XIRP2: variants seen among roughly 807,000 people sequenced by gnomAD.
XIRP2 encodes the protein xin actin binding repeat containing 2, also known as xin actin-binding repeat-containing protein 2.
Under a neutral mutation model 277.0 loss-of-function variants are expected in XIRP2, and 236 were observed. That is an observed-to-expected ratio of 0.85 (90% CI 0.77 to 0.95). The LOEUF is 0.95. Ranked by LOEUF, XIRP2 falls within the 40% of genes least tolerant of loss-of-function variation. The pLI, the probability that XIRP2 is intolerant of heterozygous loss-of-function variation, is 0.00. For missense variants in XIRP2, 4,640 were observed against 4,157.5 expected (o/e 1.12, Z -3.19); for synonymous variants, 1,490 against 1,416.5 (o/e 1.05, Z -1.17).
chr2:167,170,419 G>A (rs1448762383), intron 3 of XIRP2, among the ~76,000 whole-genome samples: 1 of 152,112 alleles, frequency 6.6e-6, no homozygotes, highest in African/African-American at 2.4e-5. Context: ...ATTTACCAAT[G>A]AAGTCATATA....
chr2:167,048,734 A>G (rs1180153316), intron 2 of XIRP2, among the ~76,000 whole-genome samples: 1 of 151,892 alleles, frequency 6.6e-6, no homozygotes, highest in Non-Finnish European at 1.5e-5. Flanking sequence ...TCTCCTCAGC[A>G]CTGTAAGACC....
intron 2 of XIRP2, among the ~76,000 whole-genome samples, chr2:166,958,975 G>A (rs1174381114): frequency 1.3e-5 from 2 of 151,694 alleles, no homozygotes; most frequent in Admixed American, 6.6e-5. Flanking sequence ...AGACTCCTCT[G>A]CCTTTTCCAG....
intron 3 of XIRP2, chr2:167,140,829 T>G (rs1292605665): frequency 1.3e-5 from 2 of 152,216 alleles, no homozygotes; most frequent in Non-Finnish European, 2.9e-5. Flanking sequence ...TTTCTTACAG[T>G]CAGATCCACC....
chr2:166,908,033 G>C (rs1246733262), intron 2 of XIRP2, among the ~76,000 whole-genome samples: 2 of 151,854 alleles, frequency 1.3e-5, no homozygotes, highest in Non-Finnish European at 2.9e-5. Context: ...ATTTGCATTG[G>C]TTCCAAGTCT....
chr2:167,182,112 G>C (rs1282813608), intron 3 of XIRP2, among the ~76,000 whole-genome samples: 1 of 152,112 alleles, frequency 6.6e-6, no homozygotes, highest in Non-Finnish European at 1.5e-5. Flanking sequence ...ACTTGGACAA[G>C]TGTAAATTAT....
chr2:167,007,695 TCTCTCTCTCACACA>T (rs898276747), intron 2 of XIRP2, among the ~76,000 whole-genome samples: 7 of 118,638 alleles, frequency 5.9e-5, no homozygotes, highest in African/African-American at 2.2e-4. Flanking sequence ...TCTCTCTCTC[TCTCTCTCTCACACA>T]CACACACACA....
At chr2:166,979,526 G>GAGATACTA (rs1686812901) in intron 2 of XIRP2, among the ~76,000 whole-genome samples, 1 of 150,780 alleles carries the variant, frequency 6.6e-6, no homozygotes, top group Non-Finnish European at 1.5e-5. Flanking sequence ...TTTTTTTTTA[G>GAGATACTA]AGATACTATT....
At chr2:166,995,557 G>A (rs1687198890) in intron 2 of XIRP2, among the ~76,000 whole-genome samples, 1 of 152,110 alleles carries the variant, frequency 6.6e-6, no homozygotes, top group Non-Finnish European at 1.5e-5. Flanking sequence ...TTGCAATTGA[G>A]TTTAAAGAGA....
chr2:167,044,687 T>C (rs1688744800), intron 2 of XIRP2, among the ~76,000 whole-genome samples: 1 of 151,754 alleles, frequency 6.6e-6, no homozygotes, highest in Non-Finnish European at 1.5e-5. Flanking sequence ...ACAAAAAGAA[T>C]AGAATATAGC....
At chr2:166,927,274 G>A (rs1685213283) in intron 2 of XIRP2, among the ~76,000 whole-genome samples, 1 of 152,048 alleles carries the variant, frequency 6.6e-6, no homozygotes, top group African/African-American at 2.4e-5. Context: ...CTTAAATGAT[G>A]GTAATTGTTT....
chr2:167,165,368 A>T (rs1692493376), intron 3 of XIRP2, among the ~76,000 whole-genome samples: 1 of 152,212 alleles, frequency 6.6e-6, no homozygotes, highest in Non-Finnish European at 1.5e-5. Context: ...TACCAGGATC[A>T]TGATTGCTCA....
chr2:166,901,873 T>TAAAATACCCA (rs1368348701), intron 1 of XIRP2, among the ~76,000 whole-genome samples: 1 of 152,070 alleles, frequency 6.6e-6, no homozygotes, highest in Non-Finnish European at 1.5e-5. Context: ...CTTTGTGTCT[T>TAAAATACCCA]AAAATACCCA....
chr2:167,033,157 G>A (rs148567117), intron 2 of XIRP2, among the ~76,000 whole-genome samples: 2 of 152,224 alleles, frequency 1.3e-5, no homozygotes, highest in East Asian at 1.9e-4. Flanking sequence ...GGATGAAGCT[G>A]GAAAGCATCA....
intron 2 of XIRP2, among the ~76,000 whole-genome samples, chr2:167,007,917 T>C (rs929705795): frequency 1.3e-5 from 2 of 151,656 alleles, no homozygotes; most frequent in Admixed American, 1.3e-4. Context: ...ATTTGGATTT[T>C]ATAATATTTG....
chr2:167,184,906 A>G (rs1693113977), intron 3 of XIRP2, among the ~76,000 whole-genome samples: 1 of 152,104 alleles, frequency 6.6e-6, no homozygotes, highest in Non-Finnish European at 1.5e-5. Flanking sequence ...TTCAATTTGA[A>G]TGTACTAAGT....
intron 3 of XIRP2, among the ~76,000 whole-genome samples, chr2:167,158,836 A>T (rs992137515): frequency 2.0e-5 from 3 of 152,196 alleles, no homozygotes; most frequent in Admixed American, 1.3e-4. Flanking sequence ...TTATTTGAAC[A>T]GGGAAAGTAT....
At chr2:167,219,504 T>C (rs973047341) in intron 5 of XIRP2, among the ~76,000 whole-genome samples, 2 of 152,206 alleles carry the variant, frequency 1.3e-5, no homozygotes, top group East Asian at 1.9e-4. Context: ...CTATGGACTA[T>C]GGGGCTTGTG....
At position 167,244,693 on chromosome 2, in the gene XIRP2, C is replaced by T; in HGVS notation, c.3301C>T (p.Gln1101Ter). The T allele has an allele frequency of 6.2e-7, 1 of 1,613,376 alleles. No individual in the cohort carries two copies. The highest frequency in any genetic ancestry group is 1.1e-5 in the South Asian group (1 of 90,990). Residue 1101 changes from glutamine to a stop codon, truncating the protein, a stop_gained, in exon 9 of 11, where the codon CAG becomes TAG. Transcript: ENST00000409195. LOFTEE classifies it high-confidence loss of function. Reference protein sequence around the residue: ...VKTCKWLFETQPMESLYEKVS... With the variant: ...VKTCKWLFET ...AACCTGTAAATGGCTTTTTGAGACC[C>T]AGCCAATGGAGTCTCTTTATGAAAA... is the stretch of plus-strand genomic sequence containing the variant.
In XIRP2 at chr2:167,259,409, T is replaced by A. The variant is rs753859621; in HGVS notation, c.*1592T>A. On this transcript the variant is annotated 3_prime_UTR_variant, in exon 11 of 11. Transcript: ENST00000409195. ...GTCCACACTTAGGCACTGAGAGATATTGATGTTCTGAAATAAGATTTTATG... is the reference window on the plus strand; with the variant it reads ...GTCCACACTTAGGCACTGAGAGATAATGATGTTCTGAAATAAGATTTTATG... The A allele has an allele frequency of 4.6e-6, 7 of 1,509,232 alleles. No homozygotes were observed. The highest frequency in any genetic ancestry group is 2.3e-5 in the Admixed American group (1 of 43,000). 93.5% of individuals were successfully genotyped at this position (1,509,232 alleles called of 1,614,324 possible). A position where few individuals can be genotyped will look rare whatever the true frequency, so the allele number is the denominator to read the frequency against.
Sources: allele counts gnomAD v4.1 joint callset (sites outside exome capture counted in the v4.1 genomes callset), GRCh38; gene constraint gnomAD v4.1.1; transcripts MANE v1.5; gene names NCBI Gene and HGNC (gene_info 2026-07-23, HGNC 2026-07-21).